The following FRMD4B variants were observed in gnomAD, a reference collection of about 807,000 sequenced individuals.
The protein encoded by FRMD4B is FERM domain-containing protein 4B.
FRMD4B carries 74 observed loss-of-function variants against 141.5 expected under a neutral mutation model. The ratio of observed to expected loss-of-function variants is 0.52; its 90% confidence interval spans 0.43 to 0.63. The LOEUF (loss-of-function observed/expected upper bound fraction) is 0.63, where lower values mean the gene tolerates loss of function less well. FRMD4B is among the 30% of genes least tolerant of loss of function. The pLI is 0.00. For synonymous variants in FRMD4B, 506 were observed against 467.9 expected (o/e 1.08, Z -1.05); for missense variants, 1,366 against 1,253.4 (o/e 1.09, Z -1.36).
At chr3:69,212,359 C>CAAAAAAA (rs869309749) in intron 11 of FRMD4B, among the ~76,000 whole-genome samples, 32 of 25,334 alleles carry the variant, frequency 1.3e-3, no homozygotes, top group South Asian at 2.7e-3. Flanking sequence ...AACCCCGTCT[C>CAAAAAAA]AAAAAAAAAA....
At chr3:69,302,246 A>G in intron 4 of FRMD4B, 97 bp downstream of exon 4, 1 of 701,766 alleles carries the variant, frequency 1.4e-6, no homozygotes, top group East Asian at 2.7e-5. Context: ...TGCTATCTCT[A>G]ATCACCAGAA....
intron 1 of FRMD4B, among the ~76,000 whole-genome samples, chr3:69,481,131 G>T (rs1706116291): frequency 6.6e-6 from 1 of 152,116 alleles, no homozygotes; most frequent in Non-Finnish European, 1.5e-5. Context: ...TCTTTGACTA[G>T]GAAAGGGAAC....
At chr3:69,512,263 T>G (rs1228722316) in intron 1 of FRMD4B, among the ~76,000 whole-genome samples, 1 of 152,118 alleles carries the variant, frequency 6.6e-6, no homozygotes, top group Non-Finnish European at 1.5e-5. Context: ...ACTTAATGCT[T>G]TCATAATAAT....
chr3:69,519,852 T>C (rs1291222545), intron 1 of FRMD4B, among the ~76,000 whole-genome samples: 1 of 151,828 alleles, frequency 6.6e-6, no homozygotes, highest in Non-Finnish European at 1.5e-5. Context: ...TGCATCCTCA[T>C]AGCTTAGCTC....
At chr3:69,189,773 T>C in intron 18 of FRMD4B, 123 bp downstream of exon 18, 1 of 650,200 alleles carries the variant, frequency 1.5e-6, no homozygotes. Context: ...TGCATAAATG[T>C]AAGTTAGTTT....
chr3:69,459,071 T>C (rs9868115), intron 1 of FRMD4B, among the ~76,000 whole-genome samples: 101,433 of 151,976 alleles, frequency 0.67, 34,521 homozygotes, highest in East Asian at 0.84. Flanking sequence ...ACACACAGTG[T>C]TTTATGTGCT....
intron 11 of FRMD4B, among the ~76,000 whole-genome samples, chr3:69,210,316 T>C (rs569250692): frequency 6.6e-6 from 1 of 152,366 alleles, no homozygotes; most frequent in East Asian, 1.9e-4. Context: ...CATAGACTAA[T>C]ACTTGGCTCA....
chr3:69,452,888 A>G (rs1272445430), intron 1 of FRMD4B, among the ~76,000 whole-genome samples: 1 of 152,250 alleles, frequency 6.6e-6, no homozygotes, highest in East Asian at 1.9e-4. Context: ...GTTTAGCAAT[A>G]TATTTAACCC....
At chr3:69,207,271 C>G (rs1411789675) in intron 11 of FRMD4B, among the ~76,000 whole-genome samples, 2 of 147,814 alleles carry the variant, frequency 1.4e-5, no homozygotes, top group African/African-American at 5.0e-5. Context: ...TGACTCTGCA[C>G]TCCAGCCTGG....
At chr3:69,444,842 G>T (rs184789974) in intron 1 of FRMD4B, among the ~76,000 whole-genome samples, 28 of 152,168 alleles carry the variant, frequency 1.8e-4, no homozygotes, top group African/African-American at 6.7e-4. Flanking sequence ...TGTTTTAATA[G>T]GCAAAACTGG....
chr3:69,187,667 G>T, intron 19 of FRMD4B, 103 bp downstream of exon 19: 3 of 1,087,618 alleles, frequency 2.8e-6, no homozygotes, highest in South Asian at 1.7e-5. Context: ...CTTTTGGAAG[G>T]ATAAATAAAA....
chr3:69,294,248 G>A (rs147774039), intron 4 of FRMD4B, among the ~76,000 whole-genome samples: 45 of 152,288 alleles, frequency 3.0e-4, no homozygotes, highest in South Asian at 8.3e-4. Flanking sequence ...GCAGCCACAC[G>A]CCTAGGTAGA....
rs530799511 is a variant in FRMD4B, at chr3:69,488,563, A to G, written c.-129+53643T>C. Among the ~76,000 whole-genome samples, 53 of 152,314 alleles carry G rather than the reference A, an allele frequency of 3.5e-4. 1 individual carries two copies. The highest frequency in any genetic ancestry group is 6.8e-3 in the Middle Eastern group (2 of 294). ...AATAATAAAATGGGACCCCTACTTC[A>G]TATCATATAGAAAATACAACTAAAG... On this transcript the variant is annotated intron_variant, in intron 1 of 5. Coordinates refer to the FRMD4B transcript ENST00000459638.
intron 1 of FRMD4B, among the ~76,000 whole-genome samples, chr3:69,488,571 T>C (rs13077938): frequency 0.21 from 32,473 of 151,968 alleles, 3,769 homozygotes; most frequent in Non-Finnish European, 0.27. Flanking sequence ...TCATATCATA[T>C]AGAAAATACA....
At chr3:69,484,903 C>G (rs755104816) in intron 1 of FRMD4B, among the ~76,000 whole-genome samples, 1 of 152,238 alleles carries the variant, frequency 6.6e-6, no homozygotes, top group South Asian at 2.1e-4. Flanking sequence ...ACCATGAGTT[C>G]TCCCTCCAGT....
At chr3:69,260,928 C>A (rs1014845921) in intron 5 of FRMD4B, among the ~76,000 whole-genome samples, 1 of 152,202 alleles carries the variant, frequency 6.6e-6, no homozygotes, top group Non-Finnish European at 1.5e-5. Context: ...GGACTGTAAT[C>A]GCACTAATCA....
chr3:69,182,791 T>A, intron 19 of FRMD4B, 74 bp from the exon 20 acceptor site: 1 of 1,405,950 alleles, frequency 7.1e-7, no homozygotes, highest in Non-Finnish European at 9.8e-7. Flanking sequence ...CATAAGCAGA[T>A]ACAAAACTTA....
chr3:69,314,000 G>A (rs570891391), intron 1 of FRMD4B, among the ~76,000 whole-genome samples: 4 of 147,232 alleles, frequency 2.7e-5, no homozygotes, highest in Non-Finnish European at 4.5e-5. Context: ...TTAGCCGGGC[G>A]TGGTAGCGGG....
At chr3:69,194,764 C>T (rs78494067) in intron 16 of FRMD4B, among the ~76,000 whole-genome samples, 7,107 of 152,190 alleles carry the variant, frequency 0.047, 512 homozygotes, top group East Asian at 0.28. Context: ...GTTCTTAATT[C>T]TTATAATGCT....
Sources: allele counts gnomAD v4.1 joint callset (sites outside exome capture counted in the v4.1 genomes callset), GRCh38; gene constraint gnomAD v4.1.1; transcripts MANE v1.5; gene names NCBI Gene and HGNC (gene_info 2026-07-23, HGNC 2026-07-21).